The following RAPH1 variants were observed in gnomAD, a reference collection of about 807,000 sequenced individuals.
The protein encoded by RAPH1 is Ras association (RalGDS/AF-6) and pleckstrin homology domains 1.
Under a neutral mutation model 88.1 loss-of-function variants are expected in RAPH1, and 18 were observed. That is an observed-to-expected ratio of 0.20 (90% CI 0.14 to 0.30). The LOEUF (loss-of-function observed/expected upper bound fraction) is 0.30. Ranked by LOEUF, RAPH1 falls within the 10% of genes least tolerant of loss-of-function variation. The probability of loss-of-function intolerance (pLI) is 1.00; values close to 1 mark genes in which losing one functional copy is unlikely to be tolerated. For missense variants in RAPH1, 1,448 were observed against 1,543.2 expected (o/e 0.94, Z 1.03); for synonymous variants, 587 against 559.0 (o/e 1.05, Z -0.71).
Position 203,449,163 on chromosome 2 carries a change from C to CTA in RAPH1, c.1414-329_1414-328dup, listed in dbSNP as rs1338642584. Among the ~76,000 whole-genome samples, 9 of 152,232 alleles carry CTA rather than the reference C, an allele frequency of 5.9e-5. No homozygotes were observed. In the South Asian group the frequency reaches 1.7e-3, roughly 28 times the overall value. On this transcript the variant is annotated intron_variant, in intron 10 of 13. Coordinates refer to ENST00000319170, the MANE Select transcript of RAPH1 (RefSeq NM_213589.3). ...TAACAGAGTCCATAGAATTCTCCAT[C>CTA]TATAAGATTATGGAAAAGGAAGAGA... is the stretch of plus-strand genomic sequence containing the variant.
chr2:203,478,442 C>G (rs1212776251), intron 4 of RAPH1, among the ~76,000 whole-genome samples: 5 of 152,086 alleles, frequency 3.3e-5, no homozygotes, highest in African/African-American at 1.2e-4. Context: ...CCCCTCCATC[C>G]CTCCATACAA....
rs747529362 is a variant in RAPH1, at chr2:203,439,618, G to A, written c.3572C>T (p.Ala1191Val). 2.5e-6 allele frequency: 4 copies of A among 1,614,042 alleles called. No individual in the cohort carries two copies. The African/African-American group carries it at 5.3e-5, about 22-fold the overall frequency. ...ATCATCCATGGTGGCTGTTGGTTCT[G>A]CTCTGGACATGCGGGAGGAGAGTGA... ...HGSLSSRMSR[A>V]EPTATMDDMA... is the part of the protein sequence containing the mutation. Residue 1191 changes from alanine (A) to valine (V), a missense_variant, in exon 14 of 14, where the codon GCA becomes GTA. Around this residue, in one of 2 missense-constraint regions of RAPH1, gnomAD observed 935 missense variants for 890.1 expected, o/e 1.05. Transcript: ENST00000319170.
intron 4 of RAPH1, among the ~76,000 whole-genome samples, chr2:203,462,202 T>G (rs1483484279): frequency 6.6e-6 from 1 of 152,204 alleles, no homozygotes; most frequent in African/African-American, 2.4e-5. Context: ...CAAGTTTGAT[T>G]CTGTCAATGT....
At chr2:203,471,608 T>C (rs1332376456) in intron 4 of RAPH1, among the ~76,000 whole-genome samples, 1 of 151,598 alleles carries the variant, frequency 6.6e-6, no homozygotes, top group Non-Finnish European at 1.5e-5. Flanking sequence ...GAAACTCTTG[T>C]CTCAAGAAAA....
At chr2:203,510,656 C>T (rs551355401) in intron 1 of RAPH1, among the ~76,000 whole-genome samples, 51 of 151,892 alleles carry the variant, frequency 3.4e-4, no homozygotes, top group African/African-American at 1.2e-3. Flanking sequence ...AGATATAAAC[C>T]AATAGGGAGT....
Position 203,506,879 on chromosome 2 carries a change from TAGATA to T in RAPH1, c.1-11531_1-11527del, listed in dbSNP as rs1689103268. ...ATCTATATATATATATATATATATA[TAGATA>T]TATATATATATATATTTTTTTTTTT... On this transcript the variant is annotated intron_variant, in intron 1 of 13. Coordinates refer to ENST00000319170, the MANE Select transcript of RAPH1 (RefSeq NM_213589.3). Among the ~76,000 whole-genome samples the T allele has an allele frequency of 9.9e-5, 8 of 81,206 alleles. 1 individual carries two copies. Among genetic ancestry groups the T allele is most frequent in the African/African-American group, 3.7e-4 (7 of 18,902 alleles). The allele number at this position is 81,206 out of a possible 152,430, so 53.3% of individuals were successfully genotyped here.
chr2:203,463,751 TA>T (rs1055750964), intron 4 of RAPH1, among the ~76,000 whole-genome samples: 1 of 152,106 alleles, frequency 6.6e-6, no homozygotes, highest in Non-Finnish European at 1.5e-5. Flanking sequence ...CCTATTTTTT[TA>T]AAAAATCCTT....
chr2:203,440,834 G>A lies in RAPH1; in HGVS notation c.2356C>T (p.Pro786Ser), dbSNP rs372748969. The A allele has an allele frequency of 2.5e-5, 40 of 1,584,718 alleles. No individual in the cohort carries two copies. In the African/African-American group the frequency reaches 5.2e-4, roughly 21 times the overall value. ...ACAGTCTTGGTGCTGGTTGGTGCGG[G>A]GATGGTCACAAGGGGTTTTGGGGGA... ...QAPPKPLVTI[P>S]APTSTKTVAP... The change falls in exon 14 of 14, where the codon CCC (proline) becomes TCC (serine). Residue 786 changes from proline (P) to serine (S), a missense_variant. Physicochemically the swap from Pro to Ser is moderately conservative, Grantham distance 74. Transcript: ENST00000319170.
At chr2:203,483,393 T>G (rs2264903) in intron 4 of RAPH1, among the ~76,000 whole-genome samples, 15,733 of 152,030 alleles carry the variant, frequency 0.1, 1,650 homozygotes, top group African/African-American at 0.27. Flanking sequence ...TGCTGCTGGA[T>G]TGAAAGGGAG....
At chr2:203,464,054 G>A (rs1363812535) in intron 4 of RAPH1, among the ~76,000 whole-genome samples, 10 of 152,124 alleles carry the variant, frequency 6.6e-5, no homozygotes, top group Non-Finnish European at 1.3e-4. Context: ...GAAAGAAGGA[G>A]GCAGAAGTTT....
chr2:203,505,026 G>T (rs1688917574), intron 1 of RAPH1, among the ~76,000 whole-genome samples: 1 of 152,118 alleles, frequency 6.6e-6, no homozygotes, highest in African/African-American at 2.4e-5. Context: ...CATTCAACAA[G>T]TCTCCAGACA....
chr2:203,441,801 A>T (rs2153633782), intron 13 of RAPH1: 2 of 1,284,866 alleles, frequency 1.6e-6, no homozygotes, highest in African/African-American at 3.1e-5. Context: ...TTCCAAGGGG[A>T]GATGTGATGG....
intron 1 of RAPH1, among the ~76,000 whole-genome samples, chr2:203,501,651 A>C (rs1688743733): frequency 6.6e-6 from 1 of 152,138 alleles, no homozygotes; most frequent in African/African-American, 2.4e-5. Context: ...TTTATAAAGT[A>C]GATGAGTTAA....
chr2:203,448,177 T>C lies in RAPH1; in HGVS notation c.1513-98A>G. On this transcript the variant is annotated intron_variant, in intron 11 of 13. Coordinates refer to ENST00000319170, the MANE Select transcript of RAPH1 (RefSeq NM_213589.3). The surrounding 1 kb of genome is among the most constrained non-coding windows in gnomAD (Gnocchi z 4.1). ...GGACATATTTCTGTTTACTGATTGA[T>C]GGTCTGTATTAAAATTAATACCTAT... The C allele has an allele frequency of 8.6e-7, 1 of 1,168,458 alleles. No individual in the cohort carries two copies. Among genetic ancestry groups the C allele is most frequent in the Non-Finnish European group, 1.2e-6 (1 of 821,226 alleles). 72.4% of individuals were successfully genotyped at this position (1,168,458 alleles called of 1,614,324 possible). A position where few individuals can be genotyped will look rare whatever the true frequency, so the allele number is the denominator to read the frequency against.
intron 6 of RAPH1, among the ~76,000 whole-genome samples, chr2:203,460,798 T>C (rs1455191276): frequency 6.6e-6 from 1 of 152,138 alleles, no homozygotes; most frequent in African/African-American, 2.4e-5. Flanking sequence ...AGCCAAATTA[T>C]GAAAGGTAAT....
chr2:203,470,362 C>T, intron 4 of RAPH1: 1 of 1,251,756 alleles, frequency 8.0e-7, no homozygotes, highest in African/African-American at 1.5e-5. Context: ...TAACAGAAGT[C>T]AGTGGAGGTT....
intron 1 of RAPH1, among the ~76,000 whole-genome samples, chr2:203,498,986 A>G (rs1317551479): frequency 1.3e-5 from 2 of 152,196 alleles, no homozygotes; most frequent in African/African-American, 4.8e-5. Context: ...GTTGTAGCCT[A>G]GGAGTAACAG....
At chr2:203,441,754 C>A (rs573503655) in intron 13 of RAPH1, 5 of 1,284,650 alleles carry the variant, frequency 3.9e-6, no homozygotes, top group Admixed American at 3.8e-5. Context: ...GCCTGCCCTA[C>A]ATGGAACCCT....
At chr2:203,525,006 G>T (rs1690050134) in intron 1 of RAPH1, among the ~76,000 whole-genome samples, 1 of 152,038 alleles carries the variant, frequency 6.6e-6, no homozygotes, top group Non-Finnish European at 1.5e-5. Context: ...TTAAAAGGAG[G>T]AACATCTATC....
Sources: allele counts gnomAD v4.1 joint callset (sites outside exome capture counted in the v4.1 genomes callset), GRCh38; gene constraint gnomAD v4.1.1; regional missense constraint gnomAD v4.1.1; non-coding constraint Gnocchi (gnomAD v3.1); transcripts MANE v1.5; gene names NCBI Gene and HGNC (gene_info 2026-07-23, HGNC 2026-07-21).